The following TMEM14C variants were observed in gnomAD, a reference collection of about 807,000 sequenced individuals.
TMEM14C encodes the protein transmembrane protein 14C.
Under a neutral mutation model 14.8 loss-of-function variants are expected in TMEM14C, and 13 were observed. The ratio of observed to expected loss-of-function variants is 0.88; its 90% confidence interval spans 0.57 to 1.40. The LOEUF (loss-of-function observed/expected upper bound fraction) is 1.40, where lower values mean the gene tolerates loss of function less well. Ranked by LOEUF, TMEM14C falls within the 40% of genes most tolerant of loss-of-function variation. The pLI, the probability that TMEM14C is intolerant of heterozygous loss-of-function variation, is 0.00. For synonymous variants in TMEM14C, 57 were observed against 51.3 expected, an observed-to-expected ratio of 1.11 and a Z score of -0.48; for missense variants, 142 against 138.8, an observed-to-expected ratio of 1.02 and a Z score of -0.12.
At chr6:10,723,591 A>ATTTTTTTTTTTT (rs1192658275) in intron 1 of TMEM14C, among the ~76,000 whole-genome samples, 1 of 97,952 alleles carries the variant, frequency 1.0e-5, no homozygotes, top group African/African-American at 4.8e-5. Context: ...TGGAAACTTA[A>ATTTTTTTTTTTT]TTCTTTTTTT....
At chr6:10,730,040 G>T (rs1012055708) in intron 5 of TMEM14C, among the ~76,000 whole-genome samples, 3 of 152,196 alleles carry the variant, frequency 2.0e-5, no homozygotes, top group African/African-American at 7.2e-5. Context: ...GGAGGTTGCA[G>T]TGAGCCGAAA....
At chr6:10,725,717 G>A (rs1365623426) in intron 3 of TMEM14C, among the ~76,000 whole-genome samples, 190 bp from the exon 4 acceptor site, 1 of 152,010 alleles carries the variant, frequency 6.6e-6, no homozygotes, top group Non-Finnish European at 1.5e-5. Flanking sequence ...AAAATGGGGT[G>A]GGAAGACCCT....
At chr6:10,724,260 A>G (rs778452721) in intron 1 of TMEM14C, among the ~76,000 whole-genome samples, 2 of 152,202 alleles carry the variant, frequency 1.3e-5, no homozygotes, top group African/African-American at 2.4e-5. Context: ...TGAAATGACT[A>G]ACACATTCCC....
chr6:10,730,735 T>G lies in TMEM14C; in HGVS notation c.*69T>G, dbSNP rs1771000976. ...TGCATCTTCCACTATTTTCAATATA[T>G]TAAGAGAAATAAGTGCAGCATTTTT... On this transcript the variant is annotated 3_prime_UTR_variant, in exon 6 of 6. Transcript: ENST00000229563. 6.6e-7 allele frequency: 1 copy of G among 1,503,858 alleles called. No homozygotes were observed. The allele number at this position is 1,503,858 out of a possible 1,614,324, so 93.2% of individuals were successfully genotyped here. A position where few individuals can be genotyped will look rare whatever the true frequency, so the allele number is the denominator to read the frequency against.
intron 3 of TMEM14C, among the ~76,000 whole-genome samples, chr6:10,725,302 G>A (rs1281436688): frequency 6.6e-6 from 1 of 152,056 alleles, no homozygotes; most frequent in African/African-American, 2.4e-5. Context: ...TGTTATTATC[G>A]TTGACTGCCA....
Position 10,731,110 on chromosome 6 carries a change from A to T in TMEM14C, c.*444A>T. On this transcript the variant is annotated 3_prime_UTR_variant, in exon 6 of 6. Transcript: ENST00000229563. ...TGTTAAGTGAAATATCAATGAAAAT[A>T]AAGTTTACTATAAATAATATTTCCT... The T allele has an allele frequency of 1.0e-6, 1 of 984,316 alleles. No homozygotes were observed. Among genetic ancestry groups the T allele is most frequent in the Non-Finnish European group, 1.2e-6 (1 of 828,820 alleles). 61.0% of individuals were successfully genotyped at this position (984,316 alleles called of 1,614,324 possible).
Position 10,724,741 on chromosome 6 carries a change from G to A in TMEM14C, c.20+108G>A, listed in dbSNP as rs1168781244. On this transcript the variant is annotated intron_variant, in intron 2 of 5. Transcript: ENST00000229563. ...GTAGACTGCCTGGGATGGCATGGGG[G>A]ATGGGAGGATCACTGGACCTGTGGG... 13 of 1,422,404 alleles carry A rather than the reference G, an allele frequency of 9.1e-6. No homozygotes were observed. The Middle Eastern group carries it at 1.4e-3, about 153-fold the overall frequency. 88.1% of individuals were successfully genotyped at this position (1,422,404 alleles called of 1,614,324 possible). A position where few individuals can be genotyped will look rare whatever the true frequency, so the allele number is the denominator to read the frequency against.
intron 4 of TMEM14C, among the ~76,000 whole-genome samples, chr6:10,726,323 A>G (rs1770858434): frequency 6.6e-6 from 1 of 152,238 alleles, no homozygotes; most frequent in Admixed American, 6.5e-5. Flanking sequence ...TGGCTTCAGC[A>G]TCACTAAACT....
chr6:10,725,027 T>A lies in TMEM14C; in HGVS notation c.87T>A (p.Tyr29Ter), dbSNP rs1770814815. The A allele has an allele frequency of 6.2e-7, 1 of 1,614,126 alleles. No homozygotes were observed. The highest frequency in any genetic ancestry group is 1.3e-5 in the African/African-American group (1 of 74,926). ...ALVASGGIIG[Y>*]VKAGSVPSLA... ...TTGCTTCTGGTGGGATCATTGGCTATGTAAAAGCAGGTAGGGTTTTGTTGT... is the reference window on the plus strand; with the variant it reads ...TTGCTTCTGGTGGGATCATTGGCTAAGTAAAAGCAGGTAGGGTTTTGTTGT... Residue 29 changes from tyrosine to a stop codon, truncating the protein, a stop_gained, in exon 3 of 6, where the codon TAT becomes TAA. Transcript: ENST00000229563. LOFTEE classifies it high-confidence loss of function.
intron 3 of TMEM14C, 107 bp downstream of exon 3, chr6:10,725,144 G>A (rs903667863): frequency 4.3e-6 from 6 of 1,381,202 alleles, no homozygotes; most frequent in African/African-American, 1.4e-5. Flanking sequence ...GGTTTGCTGT[G>A]GGTCCCCAAG....
chr6:10,724,515 T>A, intron 1 of TMEM14C, 55 bp from the exon 2 acceptor site: 1 of 1,263,722 alleles, frequency 7.9e-7, no homozygotes, highest in South Asian at 1.2e-5. Flanking sequence ...CACTTCTTTC[T>A]GACTGCTGGA....
chr6:10,725,079 T>A, intron 3 of TMEM14C, 42 bp downstream of exon 3: 1 of 1,609,678 alleles, frequency 6.2e-7, no homozygotes, highest in African/African-American at 1.3e-5. Context: ...ATCTTCACGT[T>A]GTCCCAGTGA....
intron 5 of TMEM14C, among the ~76,000 whole-genome samples, chr6:10,729,890 G>C (rs921412923): frequency 4.6e-5 from 7 of 152,142 alleles, no homozygotes; most frequent in African/African-American, 1.4e-4. Flanking sequence ...TTGAGGTCAG[G>C]AGTTCAAGAC....
chr6:10,724,418 A>T (rs909727776), intron 1 of TMEM14C, 152 bp from the exon 2 acceptor site: 1 of 608,234 alleles, frequency 1.6e-6, no homozygotes, highest in Non-Finnish European at 3.0e-6. Context: ...AATGCTCACT[A>T]CAGCCCCAGG....
intron 3 of TMEM14C, 125 bp downstream of exon 3, chr6:10,725,162 G>A: frequency 8.8e-7 from 1 of 1,139,200 alleles, no homozygotes; most frequent in East Asian, 2.3e-5. Flanking sequence ...AAGCTGGAGT[G>A]CAGGCTTCCT....
intron 5 of TMEM14C, among the ~76,000 whole-genome samples, chr6:10,729,714 A>G (rs959226000): frequency 3.9e-5 from 6 of 152,108 alleles, no homozygotes; most frequent in African/African-American, 1.4e-4. Context: ...GGAAGCGGAG[A>G]TTACAGTGAG....
rs369091606 is a variant in TMEM14C at position 10,724,651 on chromosome 6, G to C, written c.20+18G>C. On this transcript the variant is annotated intron_variant, in intron 2 of 5. Coordinates refer to ENST00000229563, the MANE Select transcript of TMEM14C (RefSeq NM_016462.4). ...GGCTCAGTGTGAGTGCAGTAAATGG[G>C]TATGGAGTAGCCAGGAGCTTCTGGA... is the stretch of plus-strand genomic sequence containing the variant. 1.9e-6 allele frequency: 3 copies of C among 1,610,954 alleles called. No individual in the cohort carries two copies. Among genetic ancestry groups the C allele is most frequent in the South Asian group, 2.2e-5 (2 of 90,738 alleles).
chr6:10,723,441 G>A (rs1012661854), intron 1 of TMEM14C, among the ~76,000 whole-genome samples, 200 bp downstream of exon 1: 1 of 152,108 alleles, frequency 6.6e-6, no homozygotes, highest in African/African-American at 2.4e-5. Flanking sequence ...CTGAGGCAAA[G>A]GCTTACCCAT....
chr6:10,730,867 TTAA>T lies in TMEM14C; in HGVS notation c.*205_*207del. The stretch of plus-strand genomic sequence containing the variant: ...GGTGGCGAGTATGTAACACAAGAGC[TTAA>T]TAAGACCCTCATAGAGCTTGATTCT... On this transcript the variant is annotated 3_prime_UTR_variant, in exon 6 of 6. Transcript: ENST00000229563. 7.9e-7 allele frequency: 1 copy of T among 1,266,940 alleles called. No individual in the cohort carries two copies. The highest frequency in any genetic ancestry group is 1.5e-5 in the African/African-American group (1 of 66,176). The allele number at this position is 1,266,940 out of a possible 1,614,324, so 78.5% of individuals were successfully genotyped here.
Sources: gnomAD v4.1 joint callset for allele counts (sites outside exome capture counted in the v4.1 genomes callset) on GRCh38, gnomAD v4.1.1 for gene constraint, MANE v1.5 for transcripts, NCBI Gene and HGNC (gene_info 2026-07-23, HGNC 2026-07-21) for gene names.